ADAMTS6: variants seen among roughly 807,000 people sequenced by gnomAD.
ADAMTS6 encodes ADAM metallopeptidase with thrombospondin type 1 motif 6.
A neutral mutation model predicts 144.3 loss-of-function variants in ADAMTS6; 23 were observed. The observed-to-expected ratio is 0.16, with a 90% CI of 0.11 to 0.23. The LOEUF is 0.23. Ranked by LOEUF, ADAMTS6 falls within the 10% of genes least tolerant of loss-of-function variation. The pLI is 1.00. For synonymous variants in ADAMTS6, 444 were observed against 457.5 expected (o/e 0.97, Z 0.38); for missense variants, 999 against 1,379.6 (o/e 0.72, Z 4.37).
At chr5:65,255,500 T>C (rs554316386) in intron 14 of ADAMTS6, among the ~76,000 whole-genome samples, 2 of 152,202 alleles carry the variant, frequency 1.3e-5, no homozygotes, top group African/African-American at 4.8e-5. Context: ...TGAGAGCATG[T>C]GATGTTTGAA....
At chr5:65,153,781 G>C (rs906756234) in intron 24 of ADAMTS6, among the ~76,000 whole-genome samples, 2 of 152,174 alleles carry the variant, frequency 1.3e-5, no homozygotes, top group African/African-American at 4.8e-5. Flanking sequence ...AGAGTAGCTG[G>C]ACCAAGAAAA....
intron 7 of ADAMTS6, among the ~76,000 whole-genome samples, chr5:65,354,293 T>C (rs1410103218): frequency 6.6e-6 from 1 of 151,924 alleles, no homozygotes; most frequent in African/African-American, 2.4e-5. Context: ...TAAAATGGGT[T>C]CTACTTACAG....
intron 1 of ADAMTS6, 90 bp from the exon 2 acceptor site, chr5:65,474,042 T>G (rs925076486): frequency 9.3e-5 from 36 of 387,292 alleles, no homozygotes; most frequent in African/African-American, 7.0e-4. Context: ...CCAAAAGACA[T>G]AACTACAAAA....
rs1250401443 is a variant in ADAMTS6, at chr5:65,255,871, A to T, written c.1830+4729T>A. Among the ~76,000 whole-genome samples, 5 of 152,206 alleles carry T rather than the reference A, an allele frequency of 3.3e-5. No individual in the cohort carries two copies. The East Asian group carries it at 7.7e-4, about 23-fold the overall frequency. The stretch of plus-strand genomic sequence containing the variant: ...TTTATTCATTTTTTAATTTAATTTT[A>T]AAAATTTATTTATTTTGAGTCAGGG... On this transcript the variant is annotated intron_variant, in intron 14 of 24. Transcript: ENST00000381055.
chr5:65,357,262 A>C (rs977016097), intron 7 of ADAMTS6, among the ~76,000 whole-genome samples: 3 of 151,960 alleles, frequency 2.0e-5, no homozygotes, highest in Non-Finnish European at 4.4e-5. Flanking sequence ...ATCTTGAGAC[A>C]AATGAAAATG....
chr5:65,463,988 C>G (rs867912888), intron 3 of ADAMTS6, among the ~76,000 whole-genome samples: 1 of 152,184 alleles, frequency 6.6e-6, no homozygotes. Flanking sequence ...AGCATTGAAC[C>G]TCATGCCATG....
intron 7 of ADAMTS6, among the ~76,000 whole-genome samples, chr5:65,366,986 G>C (rs866318634): frequency 1.3e-5 from 2 of 152,186 alleles, no homozygotes; most frequent in South Asian, 2.1e-4. Context: ...AATGATGCGG[G>C]GGGTGGGGAG....
At chr5:65,303,998 T>G (rs1561400422) in intron 9 of ADAMTS6, among the ~76,000 whole-genome samples, 1 of 152,206 alleles carries the variant, frequency 6.6e-6, no homozygotes, top group Non-Finnish European at 1.5e-5. Context: ...ATCAGATGTA[T>G]GTAAGCCAAC....
intron 24 of ADAMTS6, among the ~76,000 whole-genome samples, chr5:65,158,903 C>T (rs977046248): frequency 1.3e-5 from 2 of 152,002 alleles, no homozygotes; most frequent in Non-Finnish European, 2.9e-5. Flanking sequence ...CTTGACCTCC[C>T]TCCATTTCTT....
intron 19 of ADAMTS6, 141 bp from the exon 20 acceptor site, chr5:65,215,073 T>G (rs1300835268): frequency 1.0e-5 from 12 of 1,185,950 alleles, no homozygotes; most frequent in Non-Finnish European, 1.4e-5. Context: ...TATATCAAAT[T>G]TTCTCCTCCC....
At chr5:65,253,755 G>A (rs1032668034) in intron 14 of ADAMTS6, among the ~76,000 whole-genome samples, 2 of 141,132 alleles carry the variant, frequency 1.4e-5, no homozygotes, top group Non-Finnish European at 3.0e-5. Flanking sequence ...TGTTCCAATA[G>A]TAACACCTAT....
Position 65,460,317 on chromosome 5 carries a change from C to A in ADAMTS6, c.484G>T (p.Asp162Tyr), listed in dbSNP as rs139864360. The change falls in exon 4 of 25, where the codon GAT becomes TAT. Residue 162 changes from aspartate (D) to tyrosine (Y), a missense_variant. Transcript: ENST00000381055. ...AAAGGTTCGATAAAATACTCTTCAT[C>A]TTCTGTAGCAATAACACCATGCTAA... Reference protein sequence around the residue: ...VGLHGVIATEDEEYFIEPLKN... With the variant: ...VGLHGVIATEYEEYFIEPLKN... 1,715 of 1,612,362 alleles carry A rather than the reference C, an allele frequency of 1.1e-3. 5 individuals are homozygous for A. Among genetic ancestry groups the A allele is most frequent in the Non-Finnish European group, 1.4e-3 (1,652 of 1,179,244 alleles).
At chr5:65,447,188 A>G (rs1235185493) in intron 7 of ADAMTS6, among the ~76,000 whole-genome samples, 1 of 152,124 alleles carries the variant, frequency 6.6e-6, no homozygotes, top group Non-Finnish European at 1.5e-5. Context: ...TCAGACAACA[A>G]ATAGATTTCT....
intron 7 of ADAMTS6, among the ~76,000 whole-genome samples, chr5:65,417,295 A>G (rs1408817126): frequency 6.6e-6 from 1 of 152,214 alleles, no homozygotes; most frequent in African/African-American, 2.4e-5. Context: ...AAACACTGGA[A>G]GCATTCCCCT....
intron 21 of ADAMTS6, among the ~76,000 whole-genome samples, chr5:65,195,942 T>A (rs116243558): frequency 0.019 from 2,856 of 152,354 alleles, 54 homozygotes; most frequent in Non-Finnish European, 0.024. Flanking sequence ...CATCACATAA[T>A]CATCTTGAGC....
At chr5:65,203,927 G>A (rs1755907597) in intron 20 of ADAMTS6, among the ~76,000 whole-genome samples, 1 of 152,164 alleles carries the variant, frequency 6.6e-6, no homozygotes, top group Admixed American at 6.5e-5. Flanking sequence ...CACTCAAACT[G>A]TGGTTTCAGA....
At chr5:65,461,126 T>C (rs1469081098) in intron 3 of ADAMTS6, among the ~76,000 whole-genome samples, 1 of 152,178 alleles carries the variant, frequency 6.6e-6, no homozygotes, top group Non-Finnish European at 1.5e-5. Context: ...CTTATCCCTA[T>C]TTACTTAGCC....
At chr5:65,407,335 T>C (rs10050407) in intron 7 of ADAMTS6, among the ~76,000 whole-genome samples, 91,943 of 151,334 alleles carry the variant, frequency 0.61, 29,773 homozygotes, top group African/African-American at 0.84. Context: ...CAATATTCAA[T>C]GTTCTTTTTT....
chr5:65,295,949 C>A (rs1742795983), intron 10 of ADAMTS6, among the ~76,000 whole-genome samples: 1 of 151,982 alleles, frequency 6.6e-6, no homozygotes, highest in Non-Finnish European at 1.5e-5. Flanking sequence ...ACAGTTCGGT[C>A]ATCAGCAAAA....
Sources: gnomAD v4.1 joint callset for allele counts (sites outside exome capture counted in the v4.1 genomes callset) on GRCh38, gnomAD v4.1.1 for gene constraint, MANE v1.5 for transcripts, NCBI Gene and HGNC (gene_info 2026-07-23, HGNC 2026-07-21) for gene names.